POU6F2: variants seen among roughly 807,000 people sequenced by gnomAD.
The protein encoded by POU6F2 is POU class 6 homeobox 2.
In POU6F2, 31 loss-of-function variants were observed where a neutral mutation model predicts 71.3. The observed-to-expected ratio is 0.43, with a 90% confidence interval of 0.33 to 0.59. The LOEUF (loss-of-function observed/expected upper bound fraction) is 0.59, where lower values mean the gene tolerates loss of function less well. Ranked by LOEUF, POU6F2 falls within the 20% of genes least tolerant of loss-of-function variation. The pLI, the probability that POU6F2 is intolerant of heterozygous loss-of-function variation, is 0.04. For synonymous variants in POU6F2, 347 were observed against 355.7 expected (o/e 0.98, Z 0.27); for missense variants, 783 against 856.8 (o/e 0.91, Z 1.07).
chr7:39,150,229 G>C (rs1456415834), intron 2 of POU6F2, among the ~76,000 whole-genome samples: 1 of 148,496 alleles, frequency 6.7e-6, no homozygotes, highest in Non-Finnish European at 1.5e-5. Flanking sequence ...ATATGTCTGT[G>C]TGTGTGTGTG....
At chr7:39,113,448 T>C (rs1791864581) in intron 2 of POU6F2, among the ~76,000 whole-genome samples, 1 of 151,890 alleles carries the variant, frequency 6.6e-6, no homozygotes, top group Non-Finnish European at 1.5e-5. Context: ...CAAATCAAAA[T>C]TAAAAGACAG....
chr7:39,334,294 A>C (rs187064424), intron 4 of POU6F2, among the ~76,000 whole-genome samples: 117 of 152,246 alleles, frequency 7.7e-4, no homozygotes, highest in Non-Finnish European at 4.0e-4. Flanking sequence ...TAAAGACAGA[A>C]TTCTGGGTAC....
At chr7:38,991,143 T>C (rs548270441) in intron 1 of POU6F2, among the ~76,000 whole-genome samples, 3 of 152,272 alleles carry the variant, frequency 2.0e-5, no homozygotes, top group African/African-American at 4.8e-5. Context: ...CTCAAATTAT[T>C]AATATGTTTA....
At chr7:39,130,814 G>T (rs1173928293) in intron 2 of POU6F2, among the ~76,000 whole-genome samples, 2 of 152,118 alleles carry the variant, frequency 1.3e-5, no homozygotes, top group East Asian at 3.9e-4. Flanking sequence ...ATGAACAAGT[G>T]GTATCTGAAA....
At chr7:39,252,867 C>T (rs1344156043) in intron 4 of POU6F2, among the ~76,000 whole-genome samples, 1 of 152,182 alleles carries the variant, frequency 6.6e-6, no homozygotes, top group East Asian at 1.9e-4. Flanking sequence ...TATGCCCTGA[C>T]CCTGCTTTAT....
chr7:39,064,655 T>C (rs563343753), intron 1 of POU6F2, among the ~76,000 whole-genome samples: 1 of 151,902 alleles, frequency 6.6e-6, no homozygotes, highest in Non-Finnish European at 1.5e-5. Context: ...TTTAAATTTC[T>C]CTGTAAGATA....
chr7:39,171,525 A>AT (rs1272033706), intron 2 of POU6F2, among the ~76,000 whole-genome samples: 1 of 152,210 alleles, frequency 6.6e-6, no homozygotes, highest in Non-Finnish European at 1.5e-5. Context: ...AGTATTGTCT[A>AT]TCTTCCCAAA....
At chr7:39,052,322 A>G (rs1226216613) in intron 1 of POU6F2, among the ~76,000 whole-genome samples, 4 of 152,170 alleles carry the variant, frequency 2.6e-5, no homozygotes, top group Admixed American at 6.6e-5. Context: ...CCGTTCTCAC[A>G]TGGCTATGAA....
intron 2 of POU6F2, among the ~76,000 whole-genome samples, chr7:39,190,871 C>T (rs946786876): frequency 3.3e-5 from 5 of 151,756 alleles, no homozygotes; most frequent in East Asian, 1.9e-4. Context: ...CTCCTGACCT[C>T]GTGATCTGCC....
rs527507708 is a variant in POU6F2, at chr7:39,120,197, T to C, written c.277+34166T>C. On this transcript the variant is annotated intron_variant, in intron 2 of 9. Transcript: ENST00000518318. ...AAAACATTTTTTAATAGAGGTAGGG[T>C]CTCGCTATGCTGCTCAGGCTGGTCT... Among the ~76,000 whole-genome samples, 3 of 152,314 alleles carry C rather than the reference T, an allele frequency of 2.0e-5. No individual in the cohort carries two copies. In the East Asian group the frequency reaches 5.8e-4, roughly 29 times the overall value.
chr7:39,408,244 A>G (rs1249708874), intron 6 of POU6F2, among the ~76,000 whole-genome samples: 1 of 152,240 alleles, frequency 6.6e-6, no homozygotes, highest in African/African-American at 2.4e-5. Flanking sequence ...AGTTCAAGAT[A>G]GAAACCATAT....
chr7:39,183,776 A>G (rs1793480144), intron 2 of POU6F2, among the ~76,000 whole-genome samples: 1 of 152,202 alleles, frequency 6.6e-6, no homozygotes, highest in Non-Finnish European at 1.5e-5. Context: ...CATACAAACC[A>G]CCTTTTTCTA....
At chr7:39,213,210 T>C (rs919521527) in intron 4 of POU6F2, among the ~76,000 whole-genome samples, 1 of 152,166 alleles carries the variant, frequency 6.6e-6, no homozygotes, top group Non-Finnish European at 1.5e-5. Flanking sequence ...GAAAAGCAAT[T>C]AGGTTCAAGG....
At chr7:39,314,492 AT>A (rs1366340736) in intron 4 of POU6F2, among the ~76,000 whole-genome samples, 1 of 152,214 alleles carries the variant, frequency 6.6e-6, no homozygotes, top group East Asian at 1.9e-4. Flanking sequence ...ATGAGAGGGC[AT>A]TTTTGCTGGG....
In POU6F2 at chr7:39,218,967, G is replaced by T. The variant is rs754558025; in HGVS notation, c.598+11347G>T. 3.9e-5 allele frequency among the ~76,000 whole-genome samples: 6 copies of T among 152,074 alleles called. No individual in the cohort carries two copies. The South Asian group carries it at 1.0e-3, about 26-fold the overall frequency. Reference sequence around the variant, plus strand: ...GAAGCTAGGGAGGGAAGAGATTTCTGGGGGAGAAGAGGTTAGGGAAGGAGC... The same window carrying T: ...GAAGCTAGGGAGGGAAGAGATTTCTTGGGGAGAAGAGGTTAGGGAAGGAGC... On this transcript the variant is annotated intron_variant, in intron 4 of 9. Coordinates refer to ENST00000518318, the MANE Select transcript of POU6F2 (RefSeq NM_001370959.1).
At chr7:39,185,127 T>C (rs1304992832) in intron 2 of POU6F2, among the ~76,000 whole-genome samples, 5 of 152,154 alleles carry the variant, frequency 3.3e-5, no homozygotes. Flanking sequence ...TGTTTATCCA[T>C]TGTTACCTAA....
chr7:39,377,985 T>C (rs892121096), intron 5 of POU6F2, among the ~76,000 whole-genome samples: 1 of 152,198 alleles, frequency 6.6e-6, no homozygotes, highest in African/African-American at 2.4e-5. Context: ...ATCTCTTGAC[T>C]AAGTTTCTGC....
chr7:39,213,715 G>A lies in POU6F2; in HGVS notation c.598+6095G>A, dbSNP rs181041906. Among the ~76,000 whole-genome samples, 8 of 152,306 alleles carry A rather than the reference G, an allele frequency of 5.3e-5. No individual in the cohort carries two copies. In the East Asian group the frequency reaches 1.4e-3, roughly 26 times the overall value. ...TTGTCGTGTATACAACAGTATAGTA[G>A]TTCCTTTCTGTTAATTTCCAAGCAG... On this transcript the variant is annotated intron_variant, in intron 4 of 9. Transcript: ENST00000518318.
At chr7:39,182,407 C>G (rs1793452143) in intron 2 of POU6F2, among the ~76,000 whole-genome samples, 1 of 152,184 alleles carries the variant, frequency 6.6e-6, no homozygotes, top group African/African-American at 2.4e-5. Flanking sequence ...TCCTATGCAT[C>G]TCAGCCCTCA....
Sources: gnomAD v4.1 joint callset for allele counts (sites outside exome capture counted in the v4.1 genomes callset) on GRCh38, gnomAD v4.1.1 for gene constraint, MANE v1.5 for transcripts, NCBI Gene and HGNC (gene_info 2026-07-23, HGNC 2026-07-21) for gene names.